ZNF280D: variants seen among roughly 807,000 people sequenced by gnomAD.
The protein encoded by ZNF280D is suppressor of hairy wing homolog 4.
ZNF280D carries 39 observed loss-of-function variants against 94.7 expected under a neutral mutation model. The observed-to-expected ratio is 0.41, with a 90% confidence interval of 0.32 to 0.54. The LOEUF is 0.54. Among genes scored for constraint, ZNF280D ranks in the 20% least tolerant of loss-of-function variants. The pLI is 0.22. For synonymous variants in ZNF280D, 398 were observed against 377.6 expected (o/e 1.05, Z -0.63); for missense variants, 1,090 against 1,149.3 (o/e 0.95, Z 0.75).
chr15:56,722,324 G>C (rs1222505383), intron 1 of ZNF280D, among the ~76,000 whole-genome samples: 2 of 152,166 alleles, frequency 1.3e-5, no homozygotes, highest in African/African-American at 4.8e-5. Flanking sequence ...TGGAAAAATG[G>C]CTGAGATAGA....
At chr15:56,674,552 G>C (rs140211874) in intron 13 of ZNF280D, among the ~76,000 whole-genome samples, 1 of 152,154 alleles carries the variant, frequency 6.6e-6, no homozygotes, top group African/African-American at 2.4e-5. Context: ...AAGCTTGGAT[G>C]CTAAGTCAAA....
intron 13 of ZNF280D, among the ~76,000 whole-genome samples, chr15:56,671,063 T>C (rs999776175): frequency 1.3e-5 from 2 of 152,092 alleles, no homozygotes; most frequent in Non-Finnish European, 2.9e-5. Context: ...TCCTTATAGA[T>C]GTAGATATTA....
At chr15:56,700,510 ATGTT>A (rs2056998688) in intron 6 of ZNF280D, 5 of 1,014,022 alleles carry the variant, frequency 4.9e-6, no homozygotes, top group Non-Finnish European at 5.9e-6. Flanking sequence ...ATAGGAAAAA[ATGTT>A]TGTTTTTTTT....
intron 13 of ZNF280D, among the ~76,000 whole-genome samples, chr15:56,670,846 TA>T (rs1186437067): frequency 9.2e-5 from 14 of 152,086 alleles, no homozygotes; most frequent in Admixed American, 2.6e-4. Flanking sequence ...TAGCATCTAT[TA>T]TTTTTTTATC....
At chr15:56,695,647 A>G (rs924487628) in intron 6 of ZNF280D, among the ~76,000 whole-genome samples, 5 of 150,096 alleles carry the variant, frequency 3.3e-5, no homozygotes, top group African/African-American at 1.2e-4. Context: ...CTCCTGCCTC[A>G]GCCTCCCGAG....
intron 6 of ZNF280D, among the ~76,000 whole-genome samples, chr15:56,694,385 G>A (rs1379692835): frequency 6.6e-6 from 1 of 150,832 alleles, no homozygotes; most frequent in Non-Finnish European, 1.5e-5. Flanking sequence ...ACTCATTGTG[G>A]ACGGTAAGCT....
chr15:56,640,919 T>G (rs1414798478), intron 20 of ZNF280D, among the ~76,000 whole-genome samples: 6 of 152,142 alleles, frequency 3.9e-5, no homozygotes. Context: ...GTCAGAATAT[T>G]TAAGTGCAAA....
At chr15:56,668,054 C>A (rs1229022830) in intron 14 of ZNF280D, 2 of 426,142 alleles carry the variant, frequency 4.7e-6, no homozygotes, top group East Asian at 1.4e-4. Flanking sequence ...GGGAAGGATG[C>A]TGGATAGCTT....
chr15:56,653,023 A>T (rs2140667900), intron 19 of ZNF280D: 3 of 957,980 alleles, frequency 3.1e-6, no homozygotes, highest in Non-Finnish European at 2.5e-6. Flanking sequence ...ATTAATTTTT[A>T]AAAAATCAAA....
At chr15:56,654,965 T>C (rs1359492683) in intron 17 of ZNF280D, 2 of 230,914 alleles carry the variant, frequency 8.7e-6, no homozygotes, top group African/African-American at 4.6e-5. Flanking sequence ...TATGCTCGAA[T>C]GGAGCTTACT....
intron 6 of ZNF280D, chr15:56,698,382 T>A (rs1216890982): frequency 1.3e-5 from 2 of 152,142 alleles, no homozygotes; most frequent in African/African-American, 4.8e-5. Context: ...CGGTGGCAAA[T>A]GAGTTTTCCA....
chr15:56,686,391 G>A (rs1026958525), intron 9 of ZNF280D, among the ~76,000 whole-genome samples: 1 of 152,054 alleles, frequency 6.6e-6, no homozygotes, highest in African/African-American at 2.4e-5. Context: ...TGCTGGCCTC[G>A]GCCTCCCAAA....
intron 11 of ZNF280D, among the ~76,000 whole-genome samples, chr15:56,678,168 C>T (rs1395300667): frequency 3.3e-5 from 5 of 151,940 alleles, no homozygotes; most frequent in East Asian, 1.9e-4. Flanking sequence ...CCACCATGCC[C>T]GGCTAATTTT....
chr15:56,702,023 CAA>C (rs36004101), intron 4 of ZNF280D, among the ~76,000 whole-genome samples: 9 of 128,606 alleles, frequency 7.0e-5, no homozygotes, highest in South Asian at 2.5e-4. Flanking sequence ...AAAAAGCACC[CAA>C]AAAAAAAAAA....
intron 1 of ZNF280D, among the ~76,000 whole-genome samples, chr15:56,717,463 A>T (rs1436463296): frequency 2.0e-5 from 3 of 152,072 alleles, no homozygotes; most frequent in African/African-American, 7.2e-5. Flanking sequence ...AATAACAACA[A>T]CAGTAATATT....
intron 9 of ZNF280D, among the ~76,000 whole-genome samples, chr15:56,687,258 T>G (rs567262605): frequency 1.2e-4 from 18 of 152,226 alleles, no homozygotes; most frequent in Admixed American, 1.0e-3. Flanking sequence ...ATACTTTCCT[T>G]ATTTAAAATG....
At chr15:56,668,746 A>C (rs1379897825) in intron 14 of ZNF280D, 77 bp downstream of exon 14, 2 of 1,306,276 alleles carry the variant, frequency 1.5e-6, no homozygotes, top group Non-Finnish European at 2.1e-6. Context: ...TTAAAAATAC[A>C]TTCAATATAT....
At chr15:56,642,621 T>C (rs1456982516) in intron 20 of ZNF280D, among the ~76,000 whole-genome samples, 5 of 151,772 alleles carry the variant, frequency 3.3e-5, no homozygotes, top group African/African-American at 1.2e-4. Context: ...CCTGGAAAGA[T>C]TAATTTTTCC....
intron 21 of ZNF280D, among the ~76,000 whole-genome samples, chr15:56,632,974 T>C (rs1248780926): frequency 6.6e-6 from 1 of 152,120 alleles, no homozygotes; most frequent in Non-Finnish European, 1.5e-5. Context: ...TTTGTACACA[T>C]ATATATATGT....
Sources: allele counts gnomAD v4.1 joint callset (sites outside exome capture counted in the v4.1 genomes callset), GRCh38; gene constraint gnomAD v4.1.1; transcripts MANE v1.5; gene names NCBI Gene and HGNC (gene_info 2026-07-23, HGNC 2026-07-21).